The following ARHGAP24 variants were observed in gnomAD, a reference collection of about 807,000 sequenced individuals.
ARHGAP24 encodes rho GTPase-activating protein 24.
Under a neutral mutation model 76.4 loss-of-function variants are expected in ARHGAP24, and 50 were observed. That is an observed-to-expected ratio of 0.65 (90% confidence interval 0.52 to 0.83). The LOEUF (loss-of-function observed/expected upper bound fraction) is 0.83. Ranked by LOEUF, ARHGAP24 falls within the 40% of genes least tolerant of loss-of-function variation. ARHGAP24 has a pLI of 0.00. For missense variants in ARHGAP24, 930 were observed against 914.2 expected (o/e 1.02, Z -0.22); for synonymous variants, 345 against 323.3 (o/e 1.07, Z -0.72).
At chr4:85,700,084 C>T (rs951637463) in intron 2 of ARHGAP24, among the ~76,000 whole-genome samples, 1 of 152,006 alleles carries the variant, frequency 6.6e-6, no homozygotes, top group South Asian at 2.1e-4. Context: ...TAATAAGTGA[C>T]CAGTACATCT....
intron 3 of ARHGAP24, among the ~76,000 whole-genome samples, chr4:85,845,553 C>T (rs1730837315): frequency 6.6e-6 from 1 of 152,098 alleles, no homozygotes; most frequent in African/African-American, 2.4e-5. Context: ...GTGTATTTGC[C>T]TTCCCAGGAT....
intron 3 of ARHGAP24, among the ~76,000 whole-genome samples, chr4:85,903,860 T>C (rs1439249044): frequency 6.6e-6 from 1 of 152,122 alleles, no homozygotes; most frequent in Non-Finnish European, 1.5e-5. Flanking sequence ...TTTGAGATGA[T>C]TTGCAAAGAA....
intron 1 of ARHGAP24, among the ~76,000 whole-genome samples, chr4:85,512,997 G>C (rs1269956369): frequency 6.6e-6 from 1 of 152,192 alleles, no homozygotes; most frequent in East Asian, 1.9e-4. Context: ...CTTGGCCATG[G>C]GAGTTATGTC....
chr4:85,979,971 A>C (rs1739559065), intron 8 of ARHGAP24, among the ~76,000 whole-genome samples: 1 of 152,186 alleles, frequency 6.6e-6, no homozygotes. Flanking sequence ...AAGCATCTTC[A>C]AGTTGTCTTC....
intron 6 of ARHGAP24, among the ~76,000 whole-genome samples, chr4:85,973,161 A>C (rs899693093): frequency 6.6e-6 from 1 of 152,208 alleles, no homozygotes; most frequent in African/African-American, 2.4e-5. Context: ...CAATGAGCGC[A>C]GATTCTGATT....
At chr4:85,607,706 T>G (rs1720245848) in intron 2 of ARHGAP24, among the ~76,000 whole-genome samples, 4 of 145,764 alleles carry the variant, frequency 2.7e-5, no homozygotes, top group South Asian at 4.3e-4. Context: ...TTAAGAAACT[T>G]GGCACGGCGT....
chr4:85,509,494 C>T (rs895297210), intron 1 of ARHGAP24, among the ~76,000 whole-genome samples: 3 of 151,928 alleles, frequency 2.0e-5, no homozygotes, highest in Non-Finnish European at 2.9e-5. Context: ...TAATGTGTTA[C>T]AAAAACAAAA....
intron 3 of ARHGAP24, among the ~76,000 whole-genome samples, chr4:85,909,914 G>T (rs1057494033): frequency 2.6e-5 from 4 of 152,170 alleles, no homozygotes; most frequent in African/African-American, 9.7e-5. Context: ...TGTTGCTCAG[G>T]CCCGCTGGGC....
At chr4:85,964,329 G>A (rs922685313) in intron 5 of ARHGAP24, among the ~76,000 whole-genome samples, 10 of 152,120 alleles carry the variant, frequency 6.6e-5, no homozygotes, top group African/African-American at 2.4e-4. Flanking sequence ...TTTACACAAG[G>A]GGAGATTTTT....
At chr4:85,605,342 GT>G (rs1430127350) in intron 2 of ARHGAP24, among the ~76,000 whole-genome samples, 2 of 152,146 alleles carry the variant, frequency 1.3e-5, no homozygotes, top group African/African-American at 2.4e-5. Flanking sequence ...CAGATGGGAA[GT>G]CCACAATGTA....
At chr4:85,494,288 C>T (rs887838624) in intron 1 of ARHGAP24, among the ~76,000 whole-genome samples, 2 of 152,154 alleles carry the variant, frequency 1.3e-5, no homozygotes, top group African/African-American at 4.8e-5. Flanking sequence ...ACACCCCATC[C>T]CCCAACATCG....
chr4:85,701,111 A>G (rs894013835), intron 2 of ARHGAP24, among the ~76,000 whole-genome samples: 1 of 152,146 alleles, frequency 6.6e-6, no homozygotes, highest in South Asian at 2.1e-4. Flanking sequence ...TTTTAAAGAA[A>G]AGGTTTATAG....
chr4:85,787,535 T>C (rs1474476522), intron 3 of ARHGAP24, among the ~76,000 whole-genome samples: 1 of 152,218 alleles, frequency 6.6e-6, no homozygotes, highest in African/African-American at 2.4e-5. Context: ...AAAAGTGTTT[T>C]GGATTTTTTG....
chr4:85,844,487 CCA>C (rs1730766734), intron 3 of ARHGAP24, among the ~76,000 whole-genome samples: 1 of 152,192 alleles, frequency 6.6e-6, no homozygotes, highest in Non-Finnish European at 1.5e-5. Context: ...GTCTTCTATT[CCA>C]CAGAGTTAGC....
At chr4:85,970,068 G>C (rs537003671) in intron 5 of ARHGAP24, among the ~76,000 whole-genome samples, 3 of 152,230 alleles carry the variant, frequency 2.0e-5, no homozygotes, top group East Asian at 1.9e-4. Flanking sequence ...TGCTCTGAGA[G>C]ACCCCAATGT....
chr4:85,711,855 G>A (rs1724538310), intron 2 of ARHGAP24, among the ~76,000 whole-genome samples: 1 of 152,074 alleles, frequency 6.6e-6, no homozygotes, highest in Non-Finnish European at 1.5e-5. Flanking sequence ...GATCTCAAAT[G>A]AGGCTATTTT....
At chr4:85,887,613 A>G (rs1733634480) in intron 3 of ARHGAP24, among the ~76,000 whole-genome samples, 1 of 152,164 alleles carries the variant, frequency 6.6e-6, no homozygotes, top group South Asian at 2.1e-4. Flanking sequence ...AACATTAAGA[A>G]CCTTTTAGAA....
chr4:85,747,666 G>T (rs1006117756), intron 3 of ARHGAP24, among the ~76,000 whole-genome samples: 2 of 152,100 alleles, frequency 1.3e-5, no homozygotes, highest in Non-Finnish European at 2.9e-5. Flanking sequence ...TTGTGCCACT[G>T]CACTCCAGCC....
At chr4:85,838,910 C>T (rs937876478) in intron 3 of ARHGAP24, among the ~76,000 whole-genome samples, 1 of 152,204 alleles carries the variant, frequency 6.6e-6, no homozygotes, top group Non-Finnish European at 1.5e-5. Context: ...CCTCCAGCTG[C>T]GCTGAGCCCC....
Sources: gnomAD v4.1 joint callset for allele counts (sites outside exome capture counted in the v4.1 genomes callset) on GRCh38, gnomAD v4.1.1 for gene constraint, MANE v1.5 for transcripts, NCBI Gene and HGNC (gene_info 2026-07-23, HGNC 2026-07-21) for gene names.